The following UBN1 variants were observed in gnomAD, a reference collection of about 807,000 sequenced individuals.
UBN1 encodes ubinuclein 1.
Under a neutral mutation model 108.5 loss-of-function variants are expected in UBN1, and 17 were observed. That is an observed-to-expected ratio of 0.16 (90% CI 0.11 to 0.24). UBN1 has a LOEUF of 0.24. UBN1 is among the 10% of genes least tolerant of loss of function. The probability of loss-of-function intolerance (pLI) is 1.00; values close to 1 mark genes in which losing one functional copy is unlikely to be tolerated. For synonymous variants in UBN1, 726 were observed against 564.2 expected, an observed-to-expected ratio of 1.29 and a Z score of -4.07; for missense variants, 1,595 against 1,394.4, an observed-to-expected ratio of 1.14 and a Z score of -2.29.
chr16:4,859,499 A>G (rs1470077838), intron 5 of UBN1, among the ~76,000 whole-genome samples: 1 of 152,148 alleles, frequency 6.6e-6, no homozygotes, highest in Non-Finnish European at 1.5e-5. Context: ...CATGTAGAGG[A>G]CTTCAGTTTC....
At chr16:4,854,019 A>T (rs1273560699) in intron 2 of UBN1, among the ~76,000 whole-genome samples, 1 of 151,944 alleles carries the variant, frequency 6.6e-6, no homozygotes, top group African/African-American at 2.4e-5. Flanking sequence ...AACAGCTTAG[A>T]TCTGCTTAGA....
rs999030257 is a variant in UBN1 at position 4,877,941 on chromosome 16, A to G, written c.3355+467A>G. On this transcript the variant is annotated intron_variant, in intron 17 of 17. Transcript: ENST00000262376. This position sits in a 1 kb window ranked among gnomAD's most constrained non-coding sequence, Gnocchi z 4.3. ...TCTAAACTTTGTTTCCATTAAAGGG[A>G]AAATCCAGGTAGCAGCCAGAGGCCA... 21 of 690,734 alleles carry G rather than the reference A, an allele frequency of 3.0e-5. No individual in the cohort carries two copies. The allele number at this position is 690,734 out of a possible 1,614,324, so 42.8% of individuals were successfully genotyped here.
chr16:4,858,047 G>T lies in UBN1; in HGVS notation c.307G>T (p.Ala103Ser), dbSNP rs567620825. The T allele has an allele frequency of 6.2e-7, 1 of 1,613,238 alleles. No individual in the cohort carries two copies. Among genetic ancestry groups the T allele is most frequent in the South Asian group, 1.1e-5 (1 of 91,014 alleles). The change falls in exon 3 of 18, where the codon GCC becomes TCC. Residue 103 changes from alanine to serine, a missense_variant. Ala to Ser is a moderately conservative substitution (Grantham distance 99). Around this residue, in one of 3 missense-constraint regions of UBN1, gnomAD observed 181 missense variants for 157.3 expected, o/e 1.15. Coordinates refer to ENST00000262376, the MANE Select transcript of UBN1 (RefSeq NM_001079514.3). ...AGAAAAGGAAAGGCATAAAGTAGAGGCCCTTGCCCGAAAATTTGAAGAAAA... is the reference window on the plus strand; with the variant it reads ...AGAAAAGGAAAGGCATAAAGTAGAGTCCCTTGCCCGAAAATTTGAAGAAAA... ...DEEKERHKVE[A>S]LARKFEEKYG...
rs545086446 is a variant in UBN1, at chr16:4,848,250, TG to T, written c.-40+41del. On this transcript the variant is annotated intron_variant, in intron 1 of 17. Coordinates refer to ENST00000262376, the MANE Select transcript of UBN1 (RefSeq NM_001079514.3). ...CGGGTCCGGGCTCTCTCGTTAGCCT[TG>T]CCCTAGTTTTGCACTTTTGAAAAAG... 4 of 152,386 alleles carry T rather than the reference TG, an allele frequency of 2.6e-5. No individual in the cohort carries two copies. The South Asian group carries it at 8.3e-4, about 32-fold the overall frequency. 9.4% of individuals were successfully genotyped at this position (152,386 alleles called of 1,614,324 possible). A position where few individuals can be genotyped will look rare whatever the true frequency, so the allele number is the denominator to read the frequency against.
intron 12 of UBN1, among the ~76,000 whole-genome samples, chr16:4,871,576 C>CT (rs35865064): frequency 0.036 from 3,161 of 88,312 alleles, 647 homozygotes; most frequent in Non-Finnish European, 0.052. Flanking sequence ...ATGCACTTTC[C>CT]TTTTTTTTTT....
intron 2 of UBN1, among the ~76,000 whole-genome samples, chr16:4,855,244 G>A (rs1439049277): frequency 2.0e-5 from 3 of 152,188 alleles, no homozygotes; most frequent in South Asian, 2.1e-4. Context: ...GTGATCAGTC[G>A]GTCTTATTCA....
At chr16:4,872,240 C>T in intron 12 of UBN1, 1 of 985,370 alleles carries the variant, frequency 1.0e-6, no homozygotes, top group Non-Finnish European at 1.2e-6. Context: ...CAAAGACATG[C>T]TGGGTCACTC....
At chr16:4,870,172 AG>A in intron 8 of UBN1, 39 bp from the exon 9 acceptor site, 1 of 1,612,712 alleles carries the variant, frequency 6.2e-7, no homozygotes, top group Non-Finnish European at 8.5e-7. Flanking sequence ...CAGGAGTTGC[AG>A]TGAGCTGCAG....
intron 15 of UBN1, among the ~76,000 whole-genome samples, chr16:4,876,456 TATAA>T (rs2087889690): frequency 6.6e-6 from 1 of 152,038 alleles, no homozygotes; most frequent in Non-Finnish European, 1.5e-5. Context: ...TATGTATGTA[TATAA>T]ATATATATAC....
chr16:4,854,943 C>T (rs559307682), intron 2 of UBN1, among the ~76,000 whole-genome samples: 3 of 151,884 alleles, frequency 2.0e-5, no homozygotes, highest in African/African-American at 2.4e-5. Flanking sequence ...AGGATGGTCT[C>T]GATCTCCTGA....
chr16:4,858,548 C>G lies in UBN1; in HGVS notation c.337-20C>G, dbSNP rs780662485. On this transcript the variant is annotated intron_variant, in intron 3 of 17. Transcript: ENST00000262376. ...TGTGTTTATTCAAAAAGCATGTAAT[C>G]TATTGCTTTCACATTTTAGGGTGGA... 16 of 1,604,992 alleles carry G rather than the reference C, an allele frequency of 1.0e-5. No homozygotes were observed. The highest frequency in any genetic ancestry group is 1.7e-4 in the Middle Eastern group (1 of 6,048).
chr16:4,870,617 G>C lies in UBN1; in HGVS notation c.1413G>C (p.Thr471=), dbSNP rs200265402. 1 of 1,614,062 alleles carries C rather than the reference G, an allele frequency of 6.2e-7. No homozygotes were observed. The change falls in exon 10 of 18, where the codon ACG becomes ACC. Residue 471 remains threonine, a synonymous_variant. Transcript: ENST00000262376. ...ACCAGGACGAATGCCAGGCACACAC[G>C]CAGGCAAAGGTTGCCAAGTAAGTTT... is the stretch of plus-strand genomic sequence containing the variant. The part of the protein sequence containing the change: ...AKYQDECQAH[T]QAKVAKMLEE...
intron 8 of UBN1, among the ~76,000 whole-genome samples, chr16:4,869,252 A>G (rs3813750): frequency 0.14 from 20,705 of 152,104 alleles, 1,582 homozygotes; most frequent in East Asian, 0.22. Context: ...ATCCTGAAGA[A>G]TGAGAGACAG....
chr16:4,876,591 G>T (rs543647640), intron 15 of UBN1, among the ~76,000 whole-genome samples: 1 of 151,568 alleles, frequency 6.6e-6, no homozygotes, highest in Non-Finnish European at 1.5e-5. Flanking sequence ...GCAGTAGCGC[G>T]ATCACAGCTC....
At chr16:4,874,078 C>T (rs1040639194) in intron 14 of UBN1, 133 bp from the exon 15 acceptor site, 32 of 1,153,940 alleles carry the variant, frequency 2.8e-5, no homozygotes, top group Non-Finnish European at 3.2e-5. Flanking sequence ...CTGCTCTGTC[C>T]CACCACTTGT....
In UBN1 at chr16:4,877,967, C is replaced by T. The variant is rs532976502; in HGVS notation, c.3355+493C>T. 1.3e-5 allele frequency among the ~76,000 whole-genome samples: 2 copies of T among 152,246 alleles called. No individual in the cohort carries two copies. Among genetic ancestry groups the T allele is most frequent in the African/African-American group, 4.8e-5 (2 of 41,528 alleles). ...AAATCCAGGTAGCAGCCAGAGGCCA[C>T]AGTGCAAGACTTTGAGAGGAGCAGC... On this transcript the variant is annotated intron_variant, in intron 17 of 17. Transcript: ENST00000262376. The surrounding 1 kb of genome is among the most constrained non-coding windows in gnomAD (Gnocchi z 4.3).
intron 12 of UBN1, chr16:4,872,143 C>G (rs1328129069): frequency 1.0e-6 from 1 of 964,586 alleles, no homozygotes; most frequent in Non-Finnish European, 1.2e-6. Context: ...ATCTGTTGTG[C>G]GGATAGATCT....
intron 1 of UBN1, 109 bp from the exon 2 acceptor site, chr16:4,852,770 T>C (rs1277829811): frequency 8.7e-7 from 1 of 1,155,342 alleles, no homozygotes; most frequent in East Asian, 2.6e-5. Flanking sequence ...AATATAACAA[T>C]GGAGTTTTCT....
rs1231729972 is a variant in UBN1, at chr16:4,881,634, G to A, written c.*1502G>A. The A allele has an allele frequency of 3.9e-5, 6 of 152,140 alleles. No homozygotes were observed. Among genetic ancestry groups the A allele is most frequent in the Non-Finnish European group, 7.3e-5 (5 of 68,034 alleles). The allele number at this position is 152,140 out of a possible 1,614,324, so 9.4% of individuals were successfully genotyped here. A position where few individuals can be genotyped will look rare whatever the true frequency, so the allele number is the denominator to read the frequency against. Reference sequence around the variant, plus strand: ...TTGCTGGCCTTCCCGGTTTCCCAAGGAGCAAGACCTCTGTCCGCCCTTTGG... The same window carrying A: ...TTGCTGGCCTTCCCGGTTTCCCAAGAAGCAAGACCTCTGTCCGCCCTTTGG... On this transcript the variant is annotated 3_prime_UTR_variant, in exon 18 of 18. Transcript: ENST00000262376.
Sources: allele counts gnomAD v4.1 joint callset (sites outside exome capture counted in the v4.1 genomes callset), GRCh38; gene constraint gnomAD v4.1.1; regional missense constraint gnomAD v4.1.1; non-coding constraint Gnocchi (gnomAD v3.1); transcripts MANE v1.5; gene names NCBI Gene and HGNC (gene_info 2026-07-23, HGNC 2026-07-21).